Variants in R3HCC1 observed in about 807,000 individuals in gnomAD.
R3HCC1 encodes R3H domain and coiled-coil containing 1, also known as R3H and coiled-coil domain-containing protein 1.
A neutral mutation model predicts 40.0 loss-of-function variants in R3HCC1; 32 were observed. The observed-to-expected ratio is 0.80, with a 90% CI of 0.60 to 1.07. R3HCC1 has a LOEUF of 1.07. R3HCC1 is among the 50% of genes least tolerant of loss of function. The probability of loss-of-function intolerance (pLI) is 0.00; values close to 1 mark genes in which losing one functional copy is unlikely to be tolerated. For synonymous variants in R3HCC1, 237 were observed against 232.8 expected, an observed-to-expected ratio of 1.02 and a Z score of -0.17; for missense variants, 586 against 563.3, an observed-to-expected ratio of 1.04 and a Z score of -0.41.
Position 23,296,095 on chromosome 8 carries a change from T to A in R3HCC1, c.1321T>A (p.Ter441ArgextTer14). Residue 441 changes from the stop codon to arginine, a stop_lost, in exon 8 of 8, where the codon TGA becomes AGA. Coordinates refer to ENST00000265806, the MANE Select transcript of R3HCC1 (RefSeq NM_001136108.3). ...TGCTGTCCGGGGTCCGCTGCCGCCC[T>A]GAGGCCTGGAGACCCAACTGGCCTG... The A allele has an allele frequency of 6.5e-7, 1 of 1,549,140 alleles. No homozygotes were observed.
chr8:23,292,506 C>T (rs906140952), intron 5 of R3HCC1, among the ~76,000 whole-genome samples: 11 of 152,078 alleles, frequency 7.2e-5, no homozygotes, highest in Admixed American at 4.6e-4. Context: ...CCCAGCTACT[C>T]GGGAGGCTGA....
At chr8:23,288,366 GGGGGTCCCT>G in intron 1 of R3HCC1, 131 bp from the exon 2 acceptor site, 3 of 1,258,800 alleles carry the variant, frequency 2.4e-6, no homozygotes, top group Non-Finnish European at 3.2e-6. Flanking sequence ...CTGACTTGCC[GGGGGTCCCT>G]GGCATCACTT....
chr8:23,290,153 ACT>A lies in R3HCC1; in HGVS notation c.539_540del (p.Ser180Ter). The A allele has an allele frequency of 6.4e-7, 1 of 1,551,490 alleles. No individual in the cohort carries two copies. The highest frequency in any genetic ancestry group is 8.7e-7 in the Non-Finnish European group (1 of 1,146,950). ...GGAGATGTTGGTGCTGGAGACCCCA[ACT>A]CTGATCAGGGACTCCCTGTGCTGAT... On this transcript the variant is annotated frameshift_variant, in exon 4 of 8. Transcript: ENST00000265806. LOFTEE classifies it high-confidence loss of function.
At position 23,290,370 on chromosome 8, in the gene R3HCC1, G is replaced by A; in HGVS notation, c.753G>A (p.Glu251=). ...AAAAGGGGAAGGAGAGTCTGTTGGA[G>A]AAGAGGCTGGTGGCAGAGGAGGAAG... is the stretch of plus-strand genomic sequence containing the variant. The change falls in exon 4 of 8, where the codon GAG becomes GAA. Residue 251 remains glutamate, a synonymous_variant. Coordinates refer to ENST00000265806, the MANE Select transcript of R3HCC1 (RefSeq NM_001136108.3). 6.4e-7 allele frequency: 1 copy of A among 1,551,898 alleles called. No individual in the cohort carries two copies. Among genetic ancestry groups the A allele is most frequent in the African/African-American group, 1.4e-5 (1 of 73,174 alleles).
At position 23,289,986 on chromosome 8, in the gene R3HCC1, G is replaced by A. The variant is rs1377786603; in HGVS notation, c.369G>A (p.Arg123=). The change falls in exon 4 of 8, where the codon CGG becomes CGA. Residue 123 remains arginine, a synonymous_variant. Coordinates refer to ENST00000265806, the MANE Select transcript of R3HCC1 (RefSeq NM_001136108.3). ...CAGCTGCGGTTCCCCGAGGTGCCCG[G>A]GCTGGCCGGTGGTATCGTGGACGCA... 6.5e-7 allele frequency: 1 copy of A among 1,536,788 alleles called. No homozygotes were observed. Among genetic ancestry groups the A allele is most frequent in the African/African-American group, 1.4e-5 (1 of 73,178 alleles).
At position 23,290,310 on chromosome 8, in the gene R3HCC1, C is replaced by T. The variant is rs1206980427; in HGVS notation, c.693C>T (p.Ala231=). 2 of 1,551,596 alleles carry T rather than the reference C, an allele frequency of 1.3e-6. No individual in the cohort carries two copies. Among genetic ancestry groups the T allele is most frequent in the African/African-American group, 1.4e-5 (1 of 73,012 alleles). ...GGAAGGGAGACATGGTGGAGATGGC[C>T]ACACGGTTTGGGTCCACCCTGCAGC... is the stretch of plus-strand genomic sequence containing the variant. The change falls in exon 4 of 8, where the codon GCC becomes GCT. Residue 231 remains alanine (A), a synonymous_variant. Transcript: ENST00000265806.
rs903088935 is a variant in R3HCC1 at position 23,290,545 on chromosome 8, G to A, written c.852+76G>A. On this transcript the variant is annotated intron_variant, in intron 4 of 7. Transcript: ENST00000265806. The stretch of plus-strand genomic sequence containing the variant: ...GGCCGTGGGTGGATGGGGACCAAGG[G>A]TTATGGTGTGGAGAGCAGGGGATGT... 5.5e-6 allele frequency: 8 copies of A among 1,461,006 alleles called. No homozygotes were observed. In the Admixed American group the frequency reaches 1.9e-4, roughly 34 times the overall value. 90.5% of individuals were successfully genotyped at this position (1,461,006 alleles called of 1,614,324 possible). A position where few individuals can be genotyped will look rare whatever the true frequency, so the allele number is the denominator to read the frequency against.
chr8:23,290,131 G>C lies in R3HCC1; in HGVS notation c.514G>C (p.Asp172His). ...TGGCAGGGACCCAGAAGAGCCTGGAGATGTTGGTGCTGGAGACCCCAACTC... is the reference window on the plus strand; with the variant it reads ...TGGCAGGGACCCAGAAGAGCCTGGACATGTTGGTGCTGGAGACCCCAACTC... Residue 172 changes from aspartate (D) to histidine (H), a missense_variant, in exon 4 of 8, where the codon GAT becomes CAT. Physicochemically the swap from Asp to His is moderately conservative, Grantham distance 81. Transcript: ENST00000265806. The C allele has an allele frequency of 6.4e-7, 1 of 1,551,502 alleles. No individual in the cohort carries two copies. The highest frequency in any genetic ancestry group is 8.7e-7 in the Non-Finnish European group (1 of 1,147,008).
At chr8:23,292,342 C>T (rs1014424617) in intron 5 of R3HCC1, among the ~76,000 whole-genome samples, 4 of 152,138 alleles carry the variant, frequency 2.6e-5, no homozygotes, top group Admixed American at 1.3e-4. Context: ...CGGTGGCTCA[C>T]GCCTGTAATC....
chr8:23,295,575 G>GCCAACATGGTCCAGGGTTTC (rs1802991414), intron 7 of R3HCC1: 1 of 464,442 alleles, frequency 2.2e-6, no homozygotes. Flanking sequence ...TGGTTACGTA[G>GCCAACATGGTCCAGGGTTTC]CCAACATGGT....
Position 23,294,792 on chromosome 8 carries a change from TTCTCGGTGC to T in R3HCC1, c.1123_1131del (p.Ser375_Leu377del). On this transcript the variant is annotated inframe_deletion, in exon 7 of 8. Transcript: ENST00000265806. ...AGCTGCGGAAGCCCTGACCCGGGAG[TTCTCGGTGC>T]TCAAGATCCGGCCCCTCACACAGGG... The T allele has an allele frequency of 6.4e-7, 1 of 1,550,816 alleles. No individual in the cohort carries two copies. The highest frequency in any genetic ancestry group is 8.7e-7 in the Non-Finnish European group (1 of 1,146,850).
At chr8:23,294,165 A>G (rs1802937476) in intron 6 of R3HCC1, among the ~76,000 whole-genome samples, 2 of 152,052 alleles carry the variant, frequency 1.3e-5, no homozygotes, top group Admixed American at 6.6e-5. Flanking sequence ...GAGATTGTGG[A>G]AAGGAAGGCA....
rs1397600064 is a variant in R3HCC1, at chr8:23,295,990, AG to A, written c.1218del (p.Arg406SerfsTer81). 1 of 1,550,780 alleles carries A rather than the reference AG, an allele frequency of 6.4e-7. No individual in the cohort carries two copies. The highest frequency in any genetic ancestry group is 2.0e-5 in the Admixed American group (1 of 50,930). On this transcript the variant is annotated frameshift_variant, in exon 8 of 8. Transcript: ENST00000265806. LOFTEE classifies it high-confidence loss of function. Reference sequence around the variant, plus strand: ...AGAACTCCTGCGTCTGGTGAAGGAGAGGCCACAGACAAATGCGACTGTGGCC... The same window carrying A: ...AGAACTCCTGCGTCTGGTGAAGGAGAGCCACAGACAAATGCGACTGTGGCC...
At position 23,293,247 on chromosome 8, in the gene R3HCC1, AGAG is replaced by A. The variant is rs1381687444; in HGVS notation, c.1026-52_1026-50del. ...GAGGGGGTGTGGCTGCGGGATTCGA[AGAG>A]GAGTTTGACTGCTTGCTTTCCTGAA... On this transcript the variant is annotated intron_variant, in intron 5 of 7. Transcript: ENST00000265806. The A allele has an allele frequency of 2.7e-5, 39 of 1,432,120 alleles. 1 individual carries two copies. The South Asian group carries it at 3.3e-4, about 12-fold the overall frequency. The allele number at this position is 1,432,120 out of a possible 1,614,324, so 88.7% of individuals were successfully genotyped here. A position where few individuals can be genotyped will look rare whatever the true frequency, so the allele number is the denominator to read the frequency against.
At position 23,293,284 on chromosome 8, in the gene R3HCC1, C is replaced by T. The variant is rs1273054017; in HGVS notation, c.1026-19C>T. On this transcript the variant is annotated intron_variant, in intron 5 of 7. Coordinates refer to ENST00000265806, the MANE Select transcript of R3HCC1 (RefSeq NM_001136108.3). ...CTGCTTGCTTTCCTGAATGTGCTGT[C>T]TCCTCTCTCGCCGCACAGAGAGAAG... The T allele has an allele frequency of 1.9e-6, 3 of 1,547,888 alleles. No individual in the cohort carries two copies. Among genetic ancestry groups the T allele is most frequent in the South Asian group, 2.4e-5 (2 of 83,952 alleles).
At position 23,290,119 on chromosome 8, in the gene R3HCC1, GA is replaced by G; in HGVS notation, c.504del (p.Glu169SerfsTer19). 6.4e-7 allele frequency: 1 copy of G among 1,551,276 alleles called. No homozygotes were observed. The highest frequency in any genetic ancestry group is 8.7e-7 in the Non-Finnish European group (1 of 1,147,010). On this transcript the variant is annotated frameshift_variant, in exon 4 of 8. Coordinates refer to ENST00000265806, the MANE Select transcript of R3HCC1 (RefSeq NM_001136108.3). LOFTEE classifies it high-confidence loss of function. ...AGAGGCCCCAGCTGGCAGGGACCCA[GA>G]AGAGCCTGGAGATGTTGGTGCTGGA... is the stretch of plus-strand genomic sequence containing the variant.
chr8:23,293,797 A>G (rs1170351385), intron 6 of R3HCC1, among the ~76,000 whole-genome samples: 2 of 152,024 alleles, frequency 1.3e-5, no homozygotes, highest in Non-Finnish European at 2.9e-5. Flanking sequence ...AGGTCAGGTT[A>G]CCTCCATTGT....
chr8:23,289,154 G>A lies in R3HCC1; in HGVS notation c.248+1G>A. 1 of 1,536,156 alleles carries A rather than the reference G, an allele frequency of 6.5e-7. No homozygotes were observed. The highest frequency in any genetic ancestry group is 1.4e-5 in the African/African-American group (1 of 73,186). On this transcript the variant is annotated splice_donor_variant, in intron 3 of 7. Coordinates refer to ENST00000265806, the MANE Select transcript of R3HCC1 (RefSeq NM_001136108.3). LOFTEE classifies it high-confidence loss of function. ...CGGTCATCTGTCACCAGGACATCAGGTGTGTAGCCTCCCACCTTGAAGTGC... is the reference window on the plus strand; with the variant it reads ...CGGTCATCTGTCACCAGGACATCAGATGTGTAGCCTCCCACCTTGAAGTGC...
Position 23,291,500 on chromosome 8 carries a change from C to G in R3HCC1, c.992C>G (p.Thr331Arg). Residue 331 changes from threonine to arginine, a missense_variant, in exon 5 of 8, where the codon ACG becomes AGG. By Grantham distance (71) the Thr-to-Arg change is moderately conservative. Coordinates refer to ENST00000265806, the MANE Select transcript of R3HCC1 (RefSeq NM_001136108.3). The stretch of plus-strand genomic sequence containing the variant: ...TATGACTTTGAACCAGCGCTCAAGA[C>G]GGAGGACCTGCTGGCAACGTTTTCT... 2.6e-6 allele frequency: 4 copies of G among 1,551,412 alleles called. No individual in the cohort carries two copies. Among genetic ancestry groups the G allele is most frequent in the Non-Finnish European group, 3.5e-6 (4 of 1,146,930 alleles).
Sources: gnomAD v4.1 joint callset for allele counts (sites outside exome capture counted in the v4.1 genomes callset) on GRCh38, gnomAD v4.1.1 for gene constraint, MANE v1.5 for transcripts, NCBI Gene and HGNC (gene_info 2026-07-23, HGNC 2026-07-21) for gene names.